Variants in ZNF385D observed in about 807,000 individuals in gnomAD.
ZNF385D encodes zinc finger protein 659.
In ZNF385D, 15 loss-of-function variants were observed where a neutral mutation model predicts 35.8. The observed-to-expected ratio is 0.42, with a 90% CI of 0.28 to 0.64. The LOEUF is 0.64. Among genes scored for constraint, ZNF385D ranks in the 30% least tolerant of loss-of-function variants. ZNF385D has a pLI of 0.23. For missense variants in ZNF385D, 474 were observed against 494.6 expected, an observed-to-expected ratio of 0.96 and a Z score of 0.39; for synonymous variants, 212 against 186.8, an observed-to-expected ratio of 1.13 and a Z score of -1.10.
intron 1 of ZNF385D, among the ~76,000 whole-genome samples, chr3:21,676,038 A>G (rs1032626116): frequency 2.6e-4 from 40 of 152,138 alleles, no homozygotes; most frequent in African/African-American, 6.5e-4. Context: ...TTTCATAAAG[A>G]CCATGGCACA....
At position 21,670,919 on chromosome 3, in the gene ZNF385D, C is replaced by T. The variant is rs114297231; in HGVS notation, c.23-5891G>A. On this transcript the variant is annotated intron_variant, in intron 1 of 7. Coordinates refer to ENST00000281523, the MANE Select transcript of ZNF385D (RefSeq NM_024697.3). ...GCATTCCTTGTGGGTAAGAGACCAC[C>T]GATGGCAGAGTGCTTCTTGCTCAGT... 8.2e-3 allele frequency among the ~76,000 whole-genome samples: 1,245 copies of T among 151,934 alleles called. 16 individuals carry two copies. The highest frequency in any genetic ancestry group is 0.028 in the African/African-American group (1,167 of 41,438).
rs147209426 is a variant in ZNF385D at position 21,550,777 on chromosome 3, A to C, written c.276+13797T>G. On this transcript the variant is annotated intron_variant, in intron 3 of 7. Coordinates refer to ENST00000281523, the MANE Select transcript of ZNF385D (RefSeq NM_024697.3). ...ATTACAGTCGTGCGCCACCACTCCCAGCTGATCTCTATTTTATAATACCAT... is the reference window on the plus strand; with the variant it reads ...ATTACAGTCGTGCGCCACCACTCCCCGCTGATCTCTATTTTATAATACCAT... Among the ~76,000 whole-genome samples, 1,134 of 152,234 alleles carry C rather than the reference A, an allele frequency of 7.4e-3. 16 individuals carry two copies. The highest frequency in any genetic ancestry group is 0.025 in the African/African-American group (1,026 of 41,544).
intron 3 of ZNF385D, among the ~76,000 whole-genome samples, chr3:21,976,808 T>C (rs576667469): frequency 1.3e-5 from 2 of 152,252 alleles, no homozygotes; most frequent in East Asian, 3.9e-4. Context: ...CTGGCCAACA[T>C]GGTGAAACCC....
chr3:21,448,591 T>C (rs1702280331), intron 4 of ZNF385D, among the ~76,000 whole-genome samples: 1 of 151,984 alleles, frequency 6.6e-6, no homozygotes, highest in Non-Finnish European at 1.5e-5. Context: ...ATAGGAGAAA[T>C]CAAAAGTCTA....
chr3:21,829,718 C>T (rs1694867754), intron 3 of ZNF385D, among the ~76,000 whole-genome samples: 1 of 151,884 alleles, frequency 6.6e-6, no homozygotes, highest in Non-Finnish European at 1.5e-5. Context: ...ATTAGGCTTT[C>T]CATGTGGGAG....
At chr3:21,905,735 T>A (rs1699654042) in intron 3 of ZNF385D, among the ~76,000 whole-genome samples, 1 of 151,698 alleles carries the variant, frequency 6.6e-6, no homozygotes, top group Non-Finnish European at 1.5e-5. Flanking sequence ...CTTTTTACTA[T>A]TGATTAAATG....
upstream of ZNF385D, among the ~76,000 whole-genome samples, chr3:21,753,215 G>A (rs899958502): frequency 2.6e-5 from 4 of 152,178 alleles, no homozygotes; most frequent in South Asian, 2.1e-4. Flanking sequence ...GCTCAGAGAT[G>A]TTAAGCAACT....
chr3:21,642,501 C>T (rs186893738), intron 2 of ZNF385D, among the ~76,000 whole-genome samples: 59 of 152,116 alleles, frequency 3.9e-4, no homozygotes, highest in Admixed American at 3.7e-3. Flanking sequence ...CATGACATAA[C>T]GTATCTTTTA....
At chr3:22,258,001 C>A (rs1024707025) in intron 2 of ZNF385D, among the ~76,000 whole-genome samples, 5 of 151,850 alleles carry the variant, frequency 3.3e-5, no homozygotes, top group African/African-American at 1.2e-4. Flanking sequence ...ATAGTAAAAT[C>A]ATTATGCCTC....
intron 2 of ZNF385D, among the ~76,000 whole-genome samples, chr3:22,264,193 T>A (rs191565790): frequency 5.3e-5 from 8 of 152,066 alleles, no homozygotes; most frequent in Admixed American, 3.9e-4. Flanking sequence ...TGGCAGAAAT[T>A]CAGTAAGTAT....
intron 2 of ZNF385D, among the ~76,000 whole-genome samples, chr3:22,367,989 G>T (rs1696733249): frequency 6.6e-6 from 1 of 152,156 alleles, no homozygotes; most frequent in African/African-American, 2.4e-5. Context: ...TTTCCTGAAA[G>T]ATGGGCTACA....
chr3:22,325,949 C>A (rs763705092), intron 2 of ZNF385D, among the ~76,000 whole-genome samples: 23 of 152,124 alleles, frequency 1.5e-4, no homozygotes, highest in Non-Finnish European at 2.9e-5. Flanking sequence ...TTATCCATCT[C>A]TTTCCCCAAA....
intron 3 of ZNF385D, among the ~76,000 whole-genome samples, chr3:22,165,780 T>C (rs949835401): frequency 2.0e-5 from 3 of 152,206 alleles, no homozygotes; most frequent in Admixed American, 6.5e-5. Context: ...CACTGAATTC[T>C]TGGCAACTCT....
At chr3:22,105,880 T>C (rs770435620) in intron 3 of ZNF385D, among the ~76,000 whole-genome samples, 2 of 152,116 alleles carry the variant, frequency 1.3e-5, no homozygotes, top group Non-Finnish European at 2.9e-5. Flanking sequence ...ATAAAATTAA[T>C]CACCAATTAA....
intron 3 of ZNF385D, among the ~76,000 whole-genome samples, chr3:22,012,474 C>T (rs1480908276): frequency 2.0e-5 from 3 of 152,090 alleles, no homozygotes; most frequent in Admixed American, 6.6e-5. Context: ...TGTAACTCCC[C>T]TCTGAGAAAA....
chr3:21,889,337 G>T (rs1217785662), intron 3 of ZNF385D, among the ~76,000 whole-genome samples: 1 of 152,156 alleles, frequency 6.6e-6, no homozygotes, highest in Non-Finnish European at 1.5e-5. Flanking sequence ...ATGCAAGATG[G>T]GGGAGGTGAG....
intron 3 of ZNF385D, among the ~76,000 whole-genome samples, chr3:22,030,473 G>C (rs530709045): frequency 2.0e-5 from 3 of 150,476 alleles, no homozygotes; most frequent in East Asian, 2.0e-4. Context: ...GAGGGAGAGA[G>C]AGAGACACAG....
chr3:21,581,477 G>GGTAGGGTGTTGTATTTATCTT (rs1221349123), intron 2 of ZNF385D, among the ~76,000 whole-genome samples: 1 of 152,100 alleles, frequency 6.6e-6, no homozygotes, highest in Non-Finnish European at 1.5e-5. Context: ...TTGCAAAAGA[G>GGTAGGGTGTTGTATTTATCTT]GTAGGGTGTT....
intron 2 of ZNF385D, among the ~76,000 whole-genome samples, chr3:22,341,212 T>G (rs554806862): frequency 9.2e-5 from 14 of 152,304 alleles, no homozygotes; most frequent in African/African-American, 3.4e-4. Context: ...CTCTTCAAAC[T>G]CTTAACATAT....
Sources: allele counts gnomAD v4.1 joint callset (sites outside exome capture counted in the v4.1 genomes callset), GRCh38; gene constraint gnomAD v4.1.1; transcripts MANE v1.5; gene names NCBI Gene and HGNC (gene_info 2026-07-23, HGNC 2026-07-21).